MOB3B: variants seen among roughly 807,000 people sequenced by gnomAD.
MOB3B encodes MOB kinase activator-like 2B.
A neutral mutation model predicts 18.7 loss-of-function variants in MOB3B; 7 were observed. The observed-to-expected ratio is 0.37, with a 90% CI of 0.21 to 0.70. MOB3B has a LOEUF of 0.70. Among genes scored for constraint, MOB3B ranks in the 30% least tolerant of loss-of-function variants. The pLI is 0.52. For missense variants in MOB3B, 253 were observed against 281.3 expected (o/e 0.90, Z 0.72); for synonymous variants, 111 against 99.9 (o/e 1.11, Z -0.66).
At chr9:27,512,796 G>A (rs2814710) in intron 1 of MOB3B, among the ~76,000 whole-genome samples, 2,133 of 152,160 alleles carry the variant, frequency 0.014, 51 homozygotes, top group African/African-American at 0.049. Flanking sequence ...ACAATTATAT[G>A]ATTATATTCC....
chr9:27,328,348 G>C lies in MOB3B; in HGVS notation c.*2239C>G, dbSNP rs1357517560. 6.7e-6 allele frequency: 1 copy of C among 150,370 alleles called. No homozygotes were observed. The highest frequency in any genetic ancestry group is 2.1e-4 in the South Asian group (1 of 4,770). The allele number at this position is 150,370 out of a possible 1,614,324, so 9.3% of individuals were successfully genotyped here. ...AAATTGACTGCAGAGATTTTCTTCA[G>C]AATGTGCCAAAGTTCTGTGGGAACA... On this transcript the variant is annotated 3_prime_UTR_variant, in exon 4 of 4. Transcript: ENST00000262244.
intron 2 of MOB3B, among the ~76,000 whole-genome samples, chr9:27,403,881 A>G (rs531408331): frequency 6.6e-6 from 1 of 152,318 alleles, no homozygotes; most frequent in African/African-American, 2.4e-5. Context: ...ATGATCACAT[A>G]AGAGTAATAG....
chr9:27,372,876 A>C (rs913196373), intron 2 of MOB3B, among the ~76,000 whole-genome samples: 1 of 152,220 alleles, frequency 6.6e-6, no homozygotes, highest in Non-Finnish European at 1.5e-5. Flanking sequence ...AGTAGTGTTC[A>C]TGTGTTAGTT....
chr9:27,388,579 T>TG (rs1821680003), intron 2 of MOB3B, among the ~76,000 whole-genome samples: 1 of 152,102 alleles, frequency 6.6e-6, no homozygotes, highest in Non-Finnish European at 1.5e-5. Flanking sequence ...CAGTGTACAC[T>TG]GTACCCAAGG....
chr9:27,450,066 C>T (rs1388527922), intron 2 of MOB3B, among the ~76,000 whole-genome samples: 1 of 151,634 alleles, frequency 6.6e-6, no homozygotes, highest in Non-Finnish European at 1.5e-5. Flanking sequence ...AGAAGATTAT[C>T]CCTATGGTTG....
rs751414011 is a variant in MOB3B at position 27,470,114 on chromosome 9, GA to G, written c.-198-14367del. 2.4e-5 allele frequency among the ~76,000 whole-genome samples: 3 copies of G among 125,966 alleles called. 1 individual carries two copies. Among genetic ancestry groups the G allele is most frequent in the East Asian group, 2.3e-4 (1 of 4,262 alleles). 82.6% of individuals were successfully genotyped at this position (125,966 alleles called of 152,430 possible). A position where few individuals can be genotyped will look rare whatever the true frequency, so the allele number is the denominator to read the frequency against. On this transcript the variant is annotated intron_variant, in intron 1 of 3. Coordinates refer to ENST00000262244, the MANE Select transcript of MOB3B (RefSeq NM_024761.5). Reference sequence around the variant, plus strand: ...CAGAGTGAGACCCTGTCTCTTAAAAGAAAAAAAAAAAAAAGAAAAGAAAACT... The same window carrying G: ...CAGAGTGAGACCCTGTCTCTTAAAAGAAAAAAAAAAAAAGAAAAGAAAACT...
At chr9:27,361,066 T>C (rs1415964972) in intron 2 of MOB3B, among the ~76,000 whole-genome samples, 1 of 152,150 alleles carries the variant, frequency 6.6e-6, no homozygotes, top group African/African-American at 2.4e-5. Context: ...CCCTCTAAGA[T>C]AGGTATGTTT....
chr9:27,465,157 A>T (rs1819359953), intron 1 of MOB3B, among the ~76,000 whole-genome samples: 1 of 152,218 alleles, frequency 6.6e-6, no homozygotes, highest in Non-Finnish European at 1.5e-5. Context: ...TAAGCCTGCA[A>T]AGTCAACAGC....
intron 2 of MOB3B, among the ~76,000 whole-genome samples, chr9:27,371,331 G>C (rs1399911470): frequency 1.3e-5 from 2 of 152,210 alleles, no homozygotes. Flanking sequence ...AAATGAACCT[G>C]AGATAGGAAT....
chr9:27,507,528 A>G (rs900284916), intron 1 of MOB3B, among the ~76,000 whole-genome samples: 4 of 152,192 alleles, frequency 2.6e-5, no homozygotes, highest in African/African-American at 9.7e-5. Flanking sequence ...CATTTTTCTG[A>G]TGAGGGATTT....
intron 2 of MOB3B, among the ~76,000 whole-genome samples, chr9:27,372,933 C>A (rs529116589): frequency 1.3e-5 from 2 of 152,286 alleles, no homozygotes; most frequent in South Asian, 4.1e-4. Context: ...ATACTGGAAA[C>A]TGGGTGAGGG....
At chr9:27,502,467 T>A (rs978598282) in intron 1 of MOB3B, among the ~76,000 whole-genome samples, 2 of 152,232 alleles carry the variant, frequency 1.3e-5, no homozygotes, top group African/African-American at 4.8e-5. Context: ...CAAACTACAG[T>A]ATACCCCAAA....
At chr9:27,364,120 A>C (rs964069510) in intron 2 of MOB3B, among the ~76,000 whole-genome samples, 1 of 152,222 alleles carries the variant, frequency 6.6e-6, no homozygotes, top group Non-Finnish European at 1.5e-5. Flanking sequence ...AAAAGAATCC[A>C]GCTCAGCAAT....
intron 2 of MOB3B, among the ~76,000 whole-genome samples, chr9:27,430,735 C>T (rs1822405513): frequency 6.6e-6 from 1 of 152,028 alleles, no homozygotes; most frequent in African/African-American, 2.4e-5. Flanking sequence ...CACAAAAGCT[C>T]ATTTGGCCAC....
At chr9:27,331,492 G>C (rs1471446669) in intron 3 of MOB3B, among the ~76,000 whole-genome samples, 2 of 152,128 alleles carry the variant, frequency 1.3e-5, no homozygotes, top group African/African-American at 4.8e-5. Flanking sequence ...GTGTACTGGG[G>C]CTCTGGACAT....
chr9:27,369,344 G>A (rs1821382390), intron 2 of MOB3B, among the ~76,000 whole-genome samples: 1 of 152,168 alleles, frequency 6.6e-6, no homozygotes, highest in East Asian at 1.9e-4. Flanking sequence ...TTAACACCAA[G>A]TCTTGTCTTG....
intron 1 of MOB3B, among the ~76,000 whole-genome samples, chr9:27,510,333 C>A (rs1282413167): frequency 6.6e-6 from 1 of 152,208 alleles, no homozygotes; most frequent in Non-Finnish European, 1.5e-5. Flanking sequence ...CCAAGAGTAA[C>A]TGTGCAATCT....
At chr9:27,516,905 T>A (rs959043242) in intron 1 of MOB3B, among the ~76,000 whole-genome samples, 1 of 152,164 alleles carries the variant, frequency 6.6e-6, no homozygotes, top group Admixed American at 6.5e-5. Context: ...CACTTAGCTA[T>A]CTCAGACAAT....
chr9:27,355,764 G>A (rs35583878), intron 3 of MOB3B, among the ~76,000 whole-genome samples: 3,390 of 151,992 alleles, frequency 0.022, 74 homozygotes, highest in East Asian at 0.11. Context: ...GGGTTTCACC[G>A]TGTTAGCCAG....
Sources: allele counts gnomAD v4.1 joint callset (sites outside exome capture counted in the v4.1 genomes callset), GRCh38; gene constraint gnomAD v4.1.1; transcripts MANE v1.5; gene names NCBI Gene and HGNC (gene_info 2026-07-23, HGNC 2026-07-21).